Variants in RYR3 observed in about 807,000 individuals in gnomAD.
RYR3 encodes ryanodine receptor 3, also known as brain ryanodine receptor-calcium release channel.
In RYR3, 207 loss-of-function variants were observed where a neutral mutation model predicts 584.3. The observed-to-expected ratio is 0.35, with a 90% CI of 0.32 to 0.40. The LOEUF is 0.40. RYR3 is among the 10% of genes least tolerant of loss of function. The probability of loss-of-function intolerance (pLI) is 1.00; values close to 1 mark genes in which losing one functional copy is unlikely to be tolerated. For missense variants in RYR3, 5,616 were observed against 6,089.2 expected, an observed-to-expected ratio of 0.92 and a Z score of 2.59; for synonymous variants, 2,416 against 2,248.5, an observed-to-expected ratio of 1.07 and a Z score of -2.11.
At chr15:33,857,651 C>T in intron 98 of RYR3, 129 bp from the exon 99 acceptor site, 5 of 1,158,828 alleles carry the variant, frequency 4.3e-6, no homozygotes, top group Non-Finnish European at 6.2e-6. Context: ...TAGCCGCCCT[C>T]CACCCCTTCC....
rs1566833193 is a variant in RYR3 at position 33,634,725 on chromosome 15, A to G, written c.3167A>G (p.Gln1056Arg). ...GGGTATAACATTGAGCCATCAGACC[A>G]AGAACTAGGTAATGAGTTGAGAGTG... ...GYGYNIEPSD[Q>R]ELADSAVEKV... Residue 1056 changes from glutamine to arginine, a missense_variant, in exon 25 of 104, where the codon CAA becomes CGA. Transcript: ENST00000634891. The G allele has an allele frequency of 2.5e-6, 4 of 1,613,972 alleles. No homozygotes were observed. The highest frequency in any genetic ancestry group is 3.4e-6 in the Non-Finnish European group (4 of 1,179,834).
rs998357841 is a variant in RYR3 at position 33,339,705 on chromosome 15, C to T, written c.51+28609C>T. 1.4e-4 allele frequency among the ~76,000 whole-genome samples: 22 copies of T among 152,032 alleles called. 1 individual carries two copies. Among genetic ancestry groups the T allele is most frequent in the South Asian group, 2.1e-4 (1 of 4,810 alleles). ...GAGATCCAGACCATCCTGGCTAACA[C>T]GGTGAAACCCCGTCTCTACTAAAAA... is the stretch of plus-strand genomic sequence containing the variant. On this transcript the variant is annotated intron_variant, in intron 1 of 103. Coordinates refer to ENST00000634891, the MANE Select transcript of RYR3 (RefSeq NM_001036.6).
intron 10 of RYR3, among the ~76,000 whole-genome samples, chr15:33,558,185 G>A (rs1008706673): frequency 6.6e-6 from 1 of 152,032 alleles, no homozygotes; most frequent in African/African-American, 2.4e-5. Flanking sequence ...CTATGTTGGT[G>A]TGCTGCACCC....
chr15:33,763,220 T>C (rs1427443729), intron 60 of RYR3, among the ~76,000 whole-genome samples: 2 of 152,182 alleles, frequency 1.3e-5, no homozygotes, highest in East Asian at 3.8e-4. Context: ...AAAGACTTCA[T>C]GACTAAAACA....
Position 33,821,315 on chromosome 15 carries a change from C to A in RYR3, c.10861C>A (p.Leu3621Met). 6.2e-7 allele frequency: 1 copy of A among 1,604,280 alleles called. No individual in the cohort carries two copies. Among genetic ancestry groups the A allele is most frequent in the South Asian group, 1.1e-5 (1 of 88,548 alleles). The change falls in exon 79 of 104, where the codon CTG (leucine) becomes ATG (methionine). Residue 3621 changes from leucine (L) to methionine (M), a missense_variant. This residue lies in a region of RYR3 where 954 missense variants were observed against 1,132.2 expected (regional missense o/e 0.84). Coordinates refer to ENST00000634891, the MANE Select transcript of RYR3 (RefSeq NM_001036.6). ...KQKTLYQQAR[L>M]HERGAAEMVL... ...AAAAACCCTCTATCAGCAAGCTCGG[C>A]TGCATGAGCGTGGTGCTGCAGAGAT... is the stretch of plus-strand genomic sequence containing the variant.
intron 12 of RYR3, among the ~76,000 whole-genome samples, chr15:33,572,654 T>A (rs374419968): frequency 3.3e-5 from 4 of 121,144 alleles, no homozygotes; most frequent in African/African-American, 6.8e-5. Context: ...AAAAAAACTA[T>A]ATATACACAC....
intron 1 of RYR3, among the ~76,000 whole-genome samples, chr15:33,443,868 C>T (rs1411739174): frequency 6.6e-6 from 1 of 152,162 alleles, no homozygotes; most frequent in African/African-American, 2.4e-5. Flanking sequence ...GAGATTTCAG[C>T]GTCTGTGTTG....
intron 2 of RYR3, among the ~76,000 whole-genome samples, chr15:33,495,408 G>A (rs756639687): frequency 2.0e-5 from 3 of 152,116 alleles, no homozygotes; most frequent in Non-Finnish European, 4.4e-5. Context: ...TGATTGTGGG[G>A]AAGTGTTTCA....
At chr15:33,426,004 T>C (rs919802911) in intron 1 of RYR3, among the ~76,000 whole-genome samples, 9 of 152,178 alleles carry the variant, frequency 5.9e-5, no homozygotes, top group Admixed American at 2.6e-4. Context: ...TTGTTTGTAA[T>C]TGAGCTCCCT....
chr15:33,747,967 C>G lies in RYR3; in HGVS notation c.7990-147C>G, dbSNP rs1215114708. The G allele has an allele frequency of 1.3e-5, 9 of 699,604 alleles. 1 individual carries two copies. Among genetic ancestry groups the G allele is most frequent in the Admixed American group, 9.6e-5 (4 of 41,466 alleles). 43.3% of individuals were successfully genotyped at this position (699,604 alleles called of 1,614,324 possible). A position where few individuals can be genotyped will look rare whatever the true frequency, so the allele number is the denominator to read the frequency against. On this transcript the variant is annotated intron_variant, in intron 53 of 103. Coordinates refer to ENST00000634891, the MANE Select transcript of RYR3 (RefSeq NM_001036.6). ...GAAAGACTGTGTTTCGGGTAAGATG[C>G]CACAAAGGATGTTTTGACCTTGTGA...
chr15:33,445,856 G>A (rs982855624), intron 1 of RYR3, among the ~76,000 whole-genome samples: 4 of 151,956 alleles, frequency 2.6e-5, no homozygotes, highest in South Asian at 2.1e-4. Context: ...GAAAATCGAC[G>A]TGATTTTTGT....
At chr15:33,314,951 A>AAC (rs1491305564) in intron 1 of RYR3, among the ~76,000 whole-genome samples, 1 of 150,082 alleles carries the variant, frequency 6.7e-6, no homozygotes, top group Admixed American at 6.6e-5. Context: ...CCAAAAAAAA[A>AAC]CAACAACAAC....
chr15:33,691,309 T>A (rs1018949428), intron 38 of RYR3, among the ~76,000 whole-genome samples: 2 of 152,222 alleles, frequency 1.3e-5, no homozygotes, highest in East Asian at 3.8e-4. Context: ...AACTTCAAAA[T>A]CTTGACACAT....
At chr15:33,410,561 A>G (rs1001778348) in intron 1 of RYR3, among the ~76,000 whole-genome samples, 2 of 152,246 alleles carry the variant, frequency 1.3e-5, no homozygotes, top group African/African-American at 2.4e-5. Flanking sequence ...TCAGAAAGCA[A>G]TGAGAAGTCT....
chr15:33,496,920 A>G (rs1035284568), intron 2 of RYR3, among the ~76,000 whole-genome samples: 5 of 151,034 alleles, frequency 3.3e-5, no homozygotes, highest in African/African-American at 1.2e-4. Context: ...TTCTTCAAAT[A>G]GGTAAAAAAA....
At chr15:33,690,235 T>C (rs2065317698) in intron 38 of RYR3, among the ~76,000 whole-genome samples, 1 of 152,184 alleles carries the variant, frequency 6.6e-6, no homozygotes, top group Non-Finnish European at 1.5e-5. Flanking sequence ...AAGAAAGCCA[T>C]GCAGCCTCAG....
rs7166851 is a variant in RYR3, at chr15:33,409,460, T to A, written c.52-63959T>A. On this transcript the variant is annotated intron_variant, in intron 1 of 103. Transcript: ENST00000634891. ...TCTGTCCCGTGAACTCTGGCTGTCT[T>A]GGGCTCCCCAGGTGCTCAGCTCTAT... 6.6e-3 allele frequency among the ~76,000 whole-genome samples: 1,007 copies of A among 152,226 alleles called. 14 individuals carry two copies. Among genetic ancestry groups the A allele is most frequent in the African/African-American group, 0.023 (954 of 41,522 alleles).
chr15:33,647,719 C>G (rs1053289044), intron 30 of RYR3, among the ~76,000 whole-genome samples: 24 of 152,192 alleles, frequency 1.6e-4, no homozygotes, highest in African/African-American at 5.5e-4. Context: ...CATTTGCCAT[C>G]AGGGATCCAA....
chr15:33,601,648 C>T (rs1567637154), intron 17 of RYR3, 96 bp downstream of exon 17: 6 of 1,373,116 alleles, frequency 4.4e-6, no homozygotes, highest in Admixed American at 3.7e-5. Flanking sequence ...CAAAGTTGCC[C>T]ACCCATTGTT....
Sources: gnomAD v4.1 joint callset for allele counts (sites outside exome capture counted in the v4.1 genomes callset) on GRCh38, gnomAD v4.1.1 for gene constraint, gnomAD v4.1.1 regional missense constraint, MANE v1.5 for transcripts, NCBI Gene and HGNC (gene_info 2026-07-23, HGNC 2026-07-21) for gene names.